The following HNRNPR variants were observed in gnomAD, a reference collection of about 807,000 sequenced individuals.
HNRNPR encodes the protein heterogeneous nuclear ribonucleoprotein R.
In HNRNPR, 4 loss-of-function variants were observed where a neutral mutation model predicts 70.3. The observed-to-expected ratio is 0.06, with a 90% confidence interval of 0.03 to 0.13. The LOEUF is 0.13. Ranked by LOEUF, HNRNPR falls within the 10% of genes least tolerant of loss-of-function variation. The pLI, the probability that HNRNPR is intolerant of heterozygous loss-of-function variation, is 1.00. For synonymous variants in HNRNPR, 241 were observed against 267.6 expected (o/e 0.90, Z 0.97); for missense variants, 423 against 788.5 (o/e 0.54, Z 5.55).
chr1:23,333,630 G>T lies in HNRNPR; in HGVS notation c.386C>A (p.Ala129Asp). The part of the protein sequence containing the change: ...TKGPDEAKIK[A>D]LLERTGYTLD... ...AGTATAACCAGTTCTCTCAAGCAAG[G>T]CCTAGAGATAATTATACATCTCTTT... The change falls in exon 5 of 11, where the codon GCC becomes GAC. Residue 129 changes from alanine to aspartate, a missense_variant and splice_region_variant. This residue lies in a region of HNRNPR where 118 missense variants were observed against 239.3 expected (regional missense o/e 0.49). Transcript: ENST00000302271. The T allele has an allele frequency of 4.5e-6, 7 of 1,554,194 alleles. No homozygotes were observed. Among genetic ancestry groups the T allele is most frequent in the Non-Finnish European group, 6.2e-6 (7 of 1,125,486 alleles).
chr1:23,327,688 T>TTAAATAAA (rs66915389), intron 5 of HNRNPR, among the ~76,000 whole-genome samples: 27 of 151,412 alleles, frequency 1.8e-4, no homozygotes, highest in Non-Finnish European at 2.4e-4. Context: ...AGACTCTGTC[T>TTAAATAAA]TAAATAAATA....
chr1:23,338,292 AG>A (rs370683612), intron 3 of HNRNPR, 197 bp downstream of exon 3: 34 of 395,952 alleles, frequency 8.6e-5, no homozygotes, highest in African/African-American at 6.0e-4. Flanking sequence ...TTACTGCACA[AG>A]GGGGTGGGAG....
chr1:23,315,567 G>A (rs1451874693), intron 8 of HNRNPR, among the ~76,000 whole-genome samples: 1 of 152,050 alleles, frequency 6.6e-6, no homozygotes, highest in Non-Finnish European at 1.5e-5. Flanking sequence ...ATTTGCCGAA[G>A]GAAATACTAA....
chr1:23,333,480 A>T, intron 5 of HNRNPR, 38 bp downstream of exon 5: 1 of 1,320,362 alleles, frequency 7.6e-7, no homozygotes, highest in Non-Finnish European at 1.1e-6. Flanking sequence ...CACTTTCCAA[A>T]CTGGAAAGAT....
chr1:23,323,267 C>G (rs1304011307), intron 6 of HNRNPR, among the ~76,000 whole-genome samples: 4 of 150,916 alleles, frequency 2.7e-5, no homozygotes, highest in African/African-American at 9.9e-5. Context: ...AACCAAAAGA[C>G]AGAAATGCAT....
Position 23,317,589 on chromosome 1 carries a change from T to C in HNRNPR, c.1017+894A>G, listed in dbSNP as rs185620408. Among the ~76,000 whole-genome samples the C allele has an allele frequency of 2.0e-5, 3 of 152,306 alleles. No homozygotes were observed. The East Asian group carries it at 5.8e-4, about 29-fold the overall frequency. On this transcript the variant is annotated intron_variant, in intron 8 of 10. Transcript: ENST00000302271. Reference sequence around the variant, plus strand: ...AATCAGGAGGGAATTGAGGGCCCTTTACAGGACTTGCCATGCATATTTTGC... The same window carrying C: ...AATCAGGAGGGAATTGAGGGCCCTTCACAGGACTTGCCATGCATATTTTGC...
intron 5 of HNRNPR, among the ~76,000 whole-genome samples, chr1:23,326,036 G>C (rs1241882002): frequency 6.6e-6 from 1 of 151,982 alleles, no homozygotes; most frequent in Non-Finnish European, 1.5e-5. Context: ...AATATCTGGG[G>C]GTGGCGGTTG....
At chr1:23,335,302 G>A (rs1177208214) in intron 4 of HNRNPR, among the ~76,000 whole-genome samples, 3 of 152,220 alleles carry the variant, frequency 2.0e-5, no homozygotes, top group South Asian at 4.1e-4. Flanking sequence ...TCACAGGGAT[G>A]CATGCCTTCG....
At chr1:23,321,427 A>C (rs1279874065) in intron 7 of HNRNPR, 101 bp downstream of exon 7, 3 of 982,994 alleles carry the variant, frequency 3.1e-6, no homozygotes, top group Non-Finnish European at 4.5e-6. Context: ...TTCAGACCTG[A>C]ATTCTTAATT....
Position 23,321,663 on chromosome 1 carries a change from A to T in HNRNPR, c.676T>A (p.Cys226Ser). The change falls in exon 7 of 11, where the codon TGT (cysteine) becomes AGT (serine). Residue 226 changes from cysteine to serine, a missense_variant and splice_region_variant. Coordinates refer to ENST00000302271, the MANE Select transcript of HNRNPR (RefSeq NM_005826.5). The part of the protein sequence containing the change: ...KEAAQEAVKL[C>S]DSYEIRPGKH... ...CCAGGGCGAATTTCATAGCTGTCACACTGCAATAAGAAAAGAACCAGAGAC... is the reference window on the plus strand; with the variant it reads ...CCAGGGCGAATTTCATAGCTGTCACTCTGCAATAAGAAAAGAACCAGAGAC... 6.2e-7 allele frequency: 1 copy of T among 1,607,266 alleles called. No individual in the cohort carries two copies. Among genetic ancestry groups the T allele is most frequent in the Non-Finnish European group, 8.5e-7 (1 of 1,176,770 alleles).
chr1:23,326,572 G>A (rs2148407828), intron 5 of HNRNPR, among the ~76,000 whole-genome samples: 1 of 152,236 alleles, frequency 6.6e-6, no homozygotes, highest in East Asian at 1.9e-4. Context: ...AATACTTGAG[G>A]TCAGGAGTTC....
At chr1:23,339,330 T>A (rs889311469) in intron 2 of HNRNPR, among the ~76,000 whole-genome samples, 6 of 152,242 alleles carry the variant, frequency 3.9e-5, no homozygotes, top group Admixed American at 3.9e-4. Context: ...GGCATTCACA[T>A]TGACTGTCAA....
chr1:23,322,836 T>C (rs1433307453), intron 6 of HNRNPR, among the ~76,000 whole-genome samples: 1 of 152,178 alleles, frequency 6.6e-6, no homozygotes, highest in Admixed American at 6.5e-5. Context: ...ATAATTACAT[T>C]GTTATTTTAA....
Position 23,309,317 on chromosome 1 carries a change from T to C in HNRNPR, c.*1137A>G, listed in dbSNP as rs1307231998. ...ACGATCATTTTCACTAAAACTAAAG[T>C]CCGCAGTGCAATTGACGCCACAGTA... On this transcript the variant is annotated 3_prime_UTR_variant, in exon 11 of 11. Transcript: ENST00000302271. The C allele has an allele frequency of 6.6e-6, 1 of 152,080 alleles. No individual in the cohort carries two copies. Among genetic ancestry groups the C allele is most frequent in the Non-Finnish European group, 1.5e-5 (1 of 67,972 alleles). The allele number at this position is 152,080 out of a possible 1,614,324, so 9.4% of individuals were successfully genotyped here. A position where few individuals can be genotyped will look rare whatever the true frequency, so the allele number is the denominator to read the frequency against.
chr1:23,341,933 G>A (rs1358335675), intron 1 of HNRNPR, among the ~76,000 whole-genome samples: 4 of 152,130 alleles, frequency 2.6e-5, no homozygotes, highest in African/African-American at 9.7e-5. Flanking sequence ...AAGAGAGAGA[G>A]TAAACAATAA....
chr1:23,323,997 A>G (rs898084954), intron 5 of HNRNPR, among the ~76,000 whole-genome samples: 1 of 152,050 alleles, frequency 6.6e-6, no homozygotes, highest in Non-Finnish European at 1.5e-5. Context: ...AATTTTTATA[A>G]CTTGACTTTT....
At chr1:23,333,977 C>T (rs1192709685) in intron 4 of HNRNPR, among the ~76,000 whole-genome samples, 4 of 150,652 alleles carry the variant, frequency 2.7e-5, no homozygotes, top group Non-Finnish European at 3.0e-5. Flanking sequence ...GCAGTGGCAT[C>T]GTCTCGGCTC....
chr1:23,324,679 A>G (rs1645894015), intron 5 of HNRNPR, among the ~76,000 whole-genome samples: 1 of 152,078 alleles, frequency 6.6e-6, no homozygotes, highest in African/African-American at 2.4e-5. Flanking sequence ...TTAAGGTATG[A>G]AAAAAAACCT....
rs1049799689 is a variant in HNRNPR at position 23,307,695 on chromosome 1, T to TAAAA, written c.*2755_*2758dup. 1.3e-5 allele frequency: 2 copies of TAAAA among 152,054 alleles called. No homozygotes were observed. Among genetic ancestry groups the TAAAA allele is most frequent in the Non-Finnish European group, 2.9e-5 (2 of 67,936 alleles). 9.4% of individuals were successfully genotyped at this position (152,054 alleles called of 1,614,324 possible). On this transcript the variant is annotated 3_prime_UTR_variant, in exon 11 of 11. Transcript: ENST00000302271. Reference sequence around the variant, plus strand: ...CAACTGCTATAAATGAGTGATCAAATAAAAATTAGTATTCCATTATGGGGA... The same window carrying TAAAA: ...CAACTGCTATAAATGAGTGATCAAATAAAAAAAAATTAGTATTCCATTATGGGGA...
Sources: gnomAD v4.1 joint callset for allele counts (sites outside exome capture counted in the v4.1 genomes callset) on GRCh38, gnomAD v4.1.1 for gene constraint, gnomAD v4.1.1 regional missense constraint, MANE v1.5 for transcripts, NCBI Gene and HGNC (gene_info 2026-07-23, HGNC 2026-07-21) for gene names.